The following GLI3 variants were observed in gnomAD, a reference collection of about 807,000 sequenced individuals.
The protein encoded by GLI3 is transcription activator GLI3.
Under a neutral mutation model 100.8 loss-of-function variants are expected in GLI3, and 20 were observed. The observed-to-expected ratio is 0.20, with a 90% CI of 0.14 to 0.29. The LOEUF (loss-of-function observed/expected upper bound fraction) is 0.29. Ranked by LOEUF, GLI3 falls within the 10% of genes least tolerant of loss-of-function variation. The pLI is 1.00. For synonymous variants in GLI3, 938 were observed against 860.5 expected (o/e 1.09, Z -1.58); for missense variants, 2,040 against 2,128.5 (o/e 0.96, Z 0.82).
intron 2 of GLI3, among the ~76,000 whole-genome samples, chr7:42,159,179 C>T (rs1041339666): frequency 6.6e-6 from 1 of 152,100 alleles, no homozygotes; most frequent in African/African-American, 2.4e-5. Flanking sequence ...CTGTGATGAA[C>T]GCTTAGATGC....
intron 1 of GLI3, among the ~76,000 whole-genome samples, chr7:42,224,080 T>C (rs1237310609): frequency 6.6e-6 from 1 of 152,238 alleles, no homozygotes. Context: ...TTTCACTGGC[T>C]TCATTCATGT....
Position 41,966,475 on chromosome 7 carries a change from C to G in GLI3, c.2598G>C (p.Gly866=). 6.2e-7 allele frequency: 1 copy of G among 1,613,282 alleles called. No individual in the cohort carries two copies. The highest frequency in any genetic ancestry group is 8.5e-7 in the Non-Finnish European group (1 of 1,179,876). Residue 866 remains glycine, a synonymous_variant, in exon 15 of 15, where the codon GGG becomes GGC. Transcript: ENST00000395925. This position sits in a 1 kb window ranked among gnomAD's most constrained non-coding sequence, Gnocchi z 5.8. The part of the protein sequence containing the change: ...SAYLSSRRSS[G]ISPCFSSRRS... ...GGCGGCTGGAGAAGCAGGGCGAGAT[C>G]CCTGAGGAGCGGCGGCTGCTCAGGT... is the stretch of plus-strand genomic sequence containing the variant.
At chr7:42,200,282 C>G (rs1043008103) in intron 2 of GLI3, among the ~76,000 whole-genome samples, 1 of 152,138 alleles carries the variant, frequency 6.6e-6, no homozygotes, top group Non-Finnish European at 1.5e-5. Context: ...GCCAAGCAGC[C>G]CACTTTATCC....
At chr7:42,023,254 A>G (rs1788994533) in intron 10 of GLI3, among the ~76,000 whole-genome samples, 1 of 152,204 alleles carries the variant, frequency 6.6e-6, no homozygotes, top group Non-Finnish European at 1.5e-5. Context: ...CTCTCTATTG[A>G]AGACTTTATT....
chr7:42,182,465 G>A (rs1562775528), intron 2 of GLI3, among the ~76,000 whole-genome samples: 1 of 150,342 alleles, frequency 6.7e-6, no homozygotes, highest in Non-Finnish European at 1.5e-5. Context: ...AATAATCCCT[G>A]TAAACGCATG....
At chr7:41,974,421 A>T (rs1787452274) in intron 12 of GLI3, among the ~76,000 whole-genome samples, 1 of 152,226 alleles carries the variant, frequency 6.6e-6, no homozygotes, top group Non-Finnish European at 1.5e-5. Flanking sequence ...TTTTGCCCAC[A>T]AATTTTGTTG....
chr7:42,215,048 T>G (rs181274911), intron 2 of GLI3, among the ~76,000 whole-genome samples: 2 of 152,108 alleles, frequency 1.3e-5, no homozygotes, highest in Admixed American at 1.3e-4. Flanking sequence ...GTTTGTTTGT[T>G]TTTAATGTGA....
chr7:42,148,135 GCACACACA>G lies in GLI3; in HGVS notation c.367+83_367+90del, dbSNP rs34148485. 52,447 of 860,764 alleles carry G rather than the reference GCACACACA, an allele frequency of 0.061. 329 individuals carry two copies. The highest frequency in any genetic ancestry group is 0.098 in the African/African-American group (5,535 of 56,498). 53.3% of individuals were successfully genotyped at this position (860,764 alleles called of 1,614,324 possible). A position where few individuals can be genotyped will look rare whatever the true frequency, so the allele number is the denominator to read the frequency against. On this transcript the variant is annotated intron_variant, in intron 3 of 14. Coordinates refer to ENST00000395925, the MANE Select transcript of GLI3 (RefSeq NM_000168.6). The stretch of plus-strand genomic sequence containing the variant: ...TACAAGCCAAAACTTCATAAAGCGC[GCACACACA>G]CACACACACACACACACACACACAC...
At position 42,174,497 on chromosome 7, in the gene GLI3, T is replaced by TC. The variant is rs1387851342; in HGVS notation, c.125-26030dup. Among the ~76,000 whole-genome samples, 20 of 152,224 alleles carry TC rather than the reference T, an allele frequency of 1.3e-4. 3 individuals are homozygous for TC. The South Asian group carries it at 4.2e-3, about 32-fold the overall frequency. Reference sequence around the variant, plus strand: ...CCCAAATGCCTGTTTATTCATTTCCTCCCCTGGAAACGTTAAAAGCTCCGT... The same window carrying TC: ...CCCAAATGCCTGTTTATTCATTTCCTCCCCCTGGAAACGTTAAAAGCTCCGT... On this transcript the variant is annotated intron_variant, in intron 2 of 14. Coordinates refer to ENST00000395925, the MANE Select transcript of GLI3 (RefSeq NM_000168.6).
rs116153989 is a variant in GLI3 at position 42,094,851 on chromosome 7, C to A, written c.368-17994G>T. On this transcript the variant is annotated intron_variant, in intron 3 of 14. Coordinates refer to ENST00000395925, the MANE Select transcript of GLI3 (RefSeq NM_000168.6). ...TAATAAGCCAGTTGCTCCAAGGAGC[C>A]CCAGAGGGGAAGGAAGCACGTGGAC... Among the ~76,000 whole-genome samples, 1,074 of 152,280 alleles carry A rather than the reference C, an allele frequency of 7.1e-3. 12 individuals carry two copies. Among genetic ancestry groups the A allele is most frequent in the African/African-American group, 0.024 (1,012 of 41,550 alleles).
chr7:42,063,607 C>T (rs1266786408), intron 4 of GLI3, among the ~76,000 whole-genome samples: 1 of 152,120 alleles, frequency 6.6e-6, no homozygotes, highest in African/African-American at 2.4e-5. Context: ...AAAATACATC[C>T]CAACTTCAGA....
At chr7:42,226,861 T>C (rs1281705354) in intron 1 of GLI3, among the ~76,000 whole-genome samples, 3 of 152,038 alleles carry the variant, frequency 2.0e-5, no homozygotes, top group African/African-American at 4.8e-5. Context: ...GGTGGCCGCT[T>C]TGAGTTGTGG....
At chr7:41,992,179 AG>A (rs1230793635) in intron 10 of GLI3, among the ~76,000 whole-genome samples, 1 of 152,230 alleles carries the variant, frequency 6.6e-6, no homozygotes, top group East Asian at 1.9e-4. Context: ...CATCCAAGAA[AG>A]CTGTGACCTT....
At chr7:42,034,633 C>T (rs1054032103) in intron 7 of GLI3, among the ~76,000 whole-genome samples, 1 of 152,108 alleles carries the variant, frequency 6.6e-6, no homozygotes, top group Non-Finnish European at 1.5e-5. Flanking sequence ...CCTTCACCTG[C>T]TTGGCCTCCT....
At chr7:42,227,025 G>A (rs1788593871) in intron 1 of GLI3, among the ~76,000 whole-genome samples, 1 of 152,138 alleles carries the variant, frequency 6.6e-6, no homozygotes, top group Admixed American at 6.5e-5. Flanking sequence ...AAAACCTGGA[G>A]TTTAAAAAAT....
At chr7:42,208,886 T>C (rs983262785) in intron 2 of GLI3, among the ~76,000 whole-genome samples, 1 of 152,084 alleles carries the variant, frequency 6.6e-6, no homozygotes, top group African/African-American at 2.4e-5. Context: ...TAATGAATAA[T>C]ACCAAGTCTA....
intron 2 of GLI3, among the ~76,000 whole-genome samples, chr7:42,220,577 G>T (rs1788466978): frequency 6.6e-6 from 1 of 152,180 alleles, no homozygotes; most frequent in African/African-American, 2.4e-5. Flanking sequence ...AAGGGCCTCT[G>T]CGCTTCCAGC....
At chr7:42,258,093 A>C (rs931681014) in intron 1 of GLI3, among the ~76,000 whole-genome samples, 2 of 152,236 alleles carry the variant, frequency 1.3e-5, no homozygotes, top group Non-Finnish European at 2.9e-5. Context: ...TATACTATGT[A>C]TAACCCAATC....
chr7:42,259,148 G>A (rs10248882), intron 1 of GLI3, among the ~76,000 whole-genome samples: 10,216 of 152,116 alleles, frequency 0.067, 583 homozygotes, highest in African/African-American at 0.16. Context: ...GAACGGTTTC[G>A]TTGTTTTTAG....
Sources: gnomAD v4.1 joint callset for allele counts (sites outside exome capture counted in the v4.1 genomes callset) on GRCh38, gnomAD v4.1.1 for gene constraint, Gnocchi (gnomAD v3.1) non-coding constraint, MANE v1.5 for transcripts, NCBI Gene and HGNC (gene_info 2026-07-23, HGNC 2026-07-21) for gene names.